The following ZNF608 variants were observed in gnomAD, a reference collection of about 807,000 sequenced individuals.
The protein encoded by ZNF608 is zinc finger protein 608.
A neutral mutation model predicts 109.0 loss-of-function variants in ZNF608; 12 were observed. The ratio of observed to expected loss-of-function variants is 0.11; its 90% CI spans 0.07 to 0.18. ZNF608 has a LOEUF of 0.18. ZNF608 is among the 10% of genes least tolerant of loss of function. The probability of loss-of-function intolerance (pLI) is 1.00; values close to 1 mark genes in which losing one functional copy is unlikely to be tolerated. For missense variants in ZNF608, 1,707 were observed against 1,879.3 expected (o/e 0.91, Z 1.70); for synonymous variants, 732 against 717.4 (o/e 1.02, Z -0.33).
chr5:124,732,520 A>G (rs1748954148), intron 2 of ZNF608, among the ~76,000 whole-genome samples: 1 of 151,588 alleles, frequency 6.6e-6, no homozygotes, highest in African/African-American at 2.4e-5. Context: ...TCTAGTCCTT[A>G]GGAAAGGGGT....
intron 2 of ZNF608, among the ~76,000 whole-genome samples, chr5:124,705,787 A>G (rs1753234507): frequency 6.6e-6 from 1 of 152,212 alleles, no homozygotes; most frequent in South Asian, 2.1e-4. Flanking sequence ...TGATGGGATC[A>G]CCATGAAGGC....
intron 2 of ZNF608, among the ~76,000 whole-genome samples, chr5:124,741,657 A>T (rs1749409799): frequency 6.6e-6 from 1 of 152,208 alleles, no homozygotes; most frequent in Non-Finnish European, 1.5e-5. Context: ...CTAAATAGGT[A>T]TTCTCACATC....
chr5:124,669,871 G>A (rs955532397), intron 3 of ZNF608, among the ~76,000 whole-genome samples: 20 of 152,168 alleles, frequency 1.3e-4, no homozygotes, highest in African/African-American at 4.3e-4. Flanking sequence ...AAAGAAAAAT[G>A]TACATTATAC....
At chr5:124,737,019 T>C (rs1749185397) in intron 2 of ZNF608, among the ~76,000 whole-genome samples, 1 of 152,126 alleles carries the variant, frequency 6.6e-6, no homozygotes, top group East Asian at 1.9e-4. Flanking sequence ...TAAGTTACCC[T>C]TCAATGAAAA....
intron 2 of ZNF608, chr5:124,707,869 A>G (rs1398728156): frequency 1.3e-5 from 2 of 152,224 alleles, no homozygotes; most frequent in Admixed American, 1.3e-4. Flanking sequence ...ACCTGTAACA[A>G]CTGAATTTTG....
chr5:124,729,393 C>G (rs1041553788), intron 2 of ZNF608, among the ~76,000 whole-genome samples: 5 of 152,224 alleles, frequency 3.3e-5, no homozygotes, highest in Admixed American at 1.3e-4. Context: ...AGGTACCTAA[C>G]AATGCCCCTA....
chr5:124,743,021 C>T (rs1468923258), intron 2 of ZNF608, among the ~76,000 whole-genome samples: 1 of 152,186 alleles, frequency 6.6e-6, no homozygotes, highest in African/African-American at 2.4e-5. Context: ...CCCCTAACTC[C>T]TTCCCAACCT....
At chr5:124,658,981 A>C (rs1225342818) in intron 3 of ZNF608, among the ~76,000 whole-genome samples, 1 of 152,088 alleles carries the variant, frequency 6.6e-6, no homozygotes, top group African/African-American at 2.4e-5. Context: ...CGGCTATTAC[A>C]AGTGGCCCTG....
Position 124,744,269 on chromosome 5 carries a change from T to G in ZNF608, c.721A>C (p.Lys241Gln), listed in dbSNP as rs1273729603. ...SGGHLYGFGA[K>Q]SNGGGASPFH... is the part of the protein sequence containing the mutation. ...GGGCTCGCGCCACCTCCATTGCTCT[T>G]GGCCCCAAAGCCATAGAGGTGCCCC... The change falls in exon 2 of 10, where the codon AAG becomes CAG. Residue 241 changes from lysine to glutamine, a missense_variant. Physicochemically the swap from Lys to Gln is moderately conservative, Grantham distance 53. This residue lies in a region of ZNF608 where 407 missense variants were observed against 398.7 expected (regional missense o/e 1.02). Coordinates refer to ENST00000513986, the MANE Select transcript of ZNF608 (RefSeq NM_020747.3). This position sits in a 1 kb window ranked among gnomAD's most constrained non-coding sequence, Gnocchi z 4.5. The G allele has an allele frequency of 1.2e-6, 2 of 1,613,656 alleles. No individual in the cohort carries two copies. Among genetic ancestry groups the G allele is most frequent in the Admixed American group, 3.3e-5 (2 of 60,020 alleles).
At chr5:124,675,445 C>T (rs1437041098) in intron 3 of ZNF608, among the ~76,000 whole-genome samples, 2 of 152,228 alleles carry the variant, frequency 1.3e-5, no homozygotes, top group African/African-American at 2.4e-5. Flanking sequence ...TTTCAATCCA[C>T]ATTCCCTTCA....
intron 2 of ZNF608, among the ~76,000 whole-genome samples, chr5:124,712,460 C>T (rs1038156743): frequency 8.5e-5 from 13 of 152,064 alleles, no homozygotes; most frequent in African/African-American, 2.4e-5. Flanking sequence ...AGGGAAAATG[C>T]AAAGAATGTA....
chr5:124,689,528 C>T (rs919699993), intron 3 of ZNF608, among the ~76,000 whole-genome samples: 9 of 149,138 alleles, frequency 6.0e-5, no homozygotes, highest in African/African-American at 2.2e-4. Flanking sequence ...CCAAAATATT[C>T]AAAGACCTTT....
intron 2 of ZNF608, among the ~76,000 whole-genome samples, chr5:124,714,471 T>C (rs943016831): frequency 2.0e-5 from 3 of 152,170 alleles, no homozygotes; most frequent in Admixed American, 2.0e-4. Context: ...ACTAATGCTT[T>C]TGAACTGGGT....
chr5:124,646,676 T>C lies in ZNF608; in HGVS notation c.3705+3A>G. ...CTGTTGGGGCCACGCTCCACAATCT[T>C]ACTTGTTTAAATCTCGAGGTTGGGT... On this transcript the variant is annotated splice_donor_region_variant and intron_variant, in intron 5 of 9. Coordinates refer to ENST00000513986, the MANE Select transcript of ZNF608 (RefSeq NM_020747.3). The C allele has an allele frequency of 6.2e-7, 1 of 1,608,228 alleles. No homozygotes were observed. The highest frequency in any genetic ancestry group is 8.5e-7 in the Non-Finnish European group (1 of 1,175,554).
chr5:124,712,754 T>A (rs932112459), intron 2 of ZNF608, among the ~76,000 whole-genome samples: 5 of 152,086 alleles, frequency 3.3e-5, no homozygotes, highest in African/African-American at 1.2e-4. Context: ...AACCTGTAGA[T>A]TCCTAATAAT....
intron 2 of ZNF608, among the ~76,000 whole-genome samples, chr5:124,740,158 A>G (rs569572579): frequency 3.3e-5 from 5 of 152,324 alleles, no homozygotes; most frequent in African/African-American, 1.2e-4. Flanking sequence ...TTCTCTCTCC[A>G]GCAAAGCAAA....
intron 3 of ZNF608, among the ~76,000 whole-genome samples, chr5:124,696,837 G>T (rs1752868429): frequency 6.6e-6 from 1 of 152,112 alleles, no homozygotes; most frequent in African/African-American, 2.4e-5. Context: ...AAAAAGTCAA[G>T]GAACTTGCAA....
rs1241436385 is a variant in ZNF608, at chr5:124,744,753, T to A, written c.237A>T (p.Leu79Phe). ...ASSGAGATAA[L>F]ADGLKFASVQ... ...CAGAAGCAAATTTTAGGCCATCAGCTAAGGCTGCGGTAGCACCAGCCCCAC... is the reference window on the plus strand; with the variant it reads ...CAGAAGCAAATTTTAGGCCATCAGCAAAGGCTGCGGTAGCACCAGCCCCAC... Residue 79 changes from leucine to phenylalanine, a missense_variant, in exon 2 of 10, where the codon TTA becomes TTT. Around this residue, in one of 7 missense-constraint regions of ZNF608, gnomAD observed 407 missense variants for 398.7 expected, o/e 1.02. Coordinates refer to ENST00000513986, the MANE Select transcript of ZNF608 (RefSeq NM_020747.3). This position sits in a 1 kb window ranked among gnomAD's most constrained non-coding sequence, Gnocchi z 4.5. 6.2e-7 allele frequency: 1 copy of A among 1,614,210 alleles called. No homozygotes were observed. The highest frequency in any genetic ancestry group is 8.5e-7 in the Non-Finnish European group (1 of 1,180,036).
chr5:124,662,812 GACACACACAC>G (rs10630923), intron 3 of ZNF608, among the ~76,000 whole-genome samples: 2 of 150,882 alleles, frequency 1.3e-5, no homozygotes, highest in Non-Finnish European at 3.0e-5. Context: ...CAGACACACA[GACACACACAC>G]ACACACAGAC....
Sources: allele counts gnomAD v4.1 joint callset (sites outside exome capture counted in the v4.1 genomes callset), GRCh38; gene constraint gnomAD v4.1.1; regional missense constraint gnomAD v4.1.1; non-coding constraint Gnocchi (gnomAD v3.1); transcripts MANE v1.5; gene names NCBI Gene and HGNC (gene_info 2026-07-23, HGNC 2026-07-21).